The following LOXHD1 variants were observed in gnomAD, a reference collection of about 807,000 sequenced individuals.
The protein encoded by LOXHD1 is lipoxygenase homology domain-containing protein 1.
A neutral mutation model predicts 248.2 loss-of-function variants in LOXHD1; 205 were observed. That is an observed-to-expected ratio of 0.83 (90% CI 0.74 to 0.93). The LOEUF is 0.93. Among genes scored for constraint, LOXHD1 ranks in the 40% least tolerant of loss-of-function variants. The probability of loss-of-function intolerance (pLI) is 0.00; values close to 1 mark genes in which losing one functional copy is unlikely to be tolerated. For missense variants in LOXHD1, 2,930 were observed against 2,971.6 expected (o/e 0.99, Z 0.33); for synonymous variants, 1,113 against 1,162.8 (o/e 0.96, Z 0.87).
At chr18:46,584,938 A>G (rs1232894744) in intron 12 of LOXHD1, among the ~76,000 whole-genome samples, 1 of 152,156 alleles carries the variant, frequency 6.6e-6, no homozygotes, top group African/African-American at 2.4e-5. Flanking sequence ...TAATTTATCA[A>G]ATTAATAGAA....
At position 46,575,665 on chromosome 18, in the gene LOXHD1, G is replaced by A. The variant is rs781623292; in HGVS notation, c.1970+2042C>T. Among the ~76,000 whole-genome samples, 19 of 152,232 alleles carry A rather than the reference G, an allele frequency of 1.2e-4. No individual in the cohort carries two copies. The East Asian group carries it at 3.3e-3, about 26-fold the overall frequency. On this transcript the variant is annotated intron_variant, in intron 14 of 40. Coordinates refer to ENST00000642948, the MANE Select transcript of LOXHD1 (RefSeq NM_001384474.1). ...GGCCCGGGTCAGATCCTTCCCTAGC[G>A]CCTTCTGAGGGGTGCAGCCTGGCTG... is the stretch of plus-strand genomic sequence containing the variant.
intron 37 of LOXHD1, among the ~76,000 whole-genome samples, chr18:46,490,330 A>G (rs1301528964): frequency 3.9e-5 from 6 of 152,184 alleles, no homozygotes; most frequent in Admixed American, 3.9e-4. Flanking sequence ...GGGAATACAC[A>G]TTGGCGGTCC....
At chr18:46,518,315 C>G (rs1598899288) in intron 33 of LOXHD1, 59 bp from the exon 34 acceptor site, 5 of 1,527,944 alleles carry the variant, frequency 3.3e-6, no homozygotes, top group Non-Finnish European at 8.9e-7. Flanking sequence ...CCCACCTGAC[C>G]TGCCTCAGTC....
chr18:46,507,988 C>T (rs1463429054), intron 35 of LOXHD1, among the ~76,000 whole-genome samples: 1 of 152,174 alleles, frequency 6.6e-6, no homozygotes, highest in Non-Finnish European at 1.5e-5. Context: ...CTCAGAGGTG[C>T]CTGTCACTGT....
chr18:46,534,191 C>T, intron 27 of LOXHD1, 144 bp downstream of exon 27: 1 of 601,654 alleles, frequency 1.7e-6, no homozygotes. Context: ...TTTCTGCACT[C>T]TGAGTGAACT....
At chr18:46,628,547 G>A (rs2038776977) in intron 4 of LOXHD1, among the ~76,000 whole-genome samples, 1 of 152,214 alleles carries the variant, frequency 6.6e-6, no homozygotes, top group African/African-American at 2.4e-5. Flanking sequence ...TTTAACAGCA[G>A]TCAAGGTGAT....
chr18:46,647,769 A>G (rs773103057), intron 2 of LOXHD1, among the ~76,000 whole-genome samples: 3 of 152,302 alleles, frequency 2.0e-5, no homozygotes, highest in Admixed American at 1.3e-4. Context: ...CCCCCAAGGT[A>G]CAGGGTGCAG....
At chr18:46,637,313 C>A (rs779564786) in intron 4 of LOXHD1, among the ~76,000 whole-genome samples, 6 of 152,172 alleles carry the variant, frequency 3.9e-5, no homozygotes, top group Non-Finnish European at 5.9e-5. Context: ...AAGACTAGGT[C>A]AGGGGGTGTC....
At chr18:46,641,326 G>A (rs1383800180) in intron 3 of LOXHD1, among the ~76,000 whole-genome samples, 1 of 152,208 alleles carries the variant, frequency 6.6e-6, no homozygotes, top group Admixed American at 6.5e-5. Context: ...ACTTGAATAG[G>A]GGTGGATGGC....
chr18:46,639,304 C>T (rs2038932609), intron 4 of LOXHD1, among the ~76,000 whole-genome samples: 1 of 152,184 alleles, frequency 6.6e-6, no homozygotes. Context: ...AAGGGGACTT[C>T]CGATAGATAC....
Position 46,489,068 on chromosome 18 carries a change from A to G in LOXHD1, c.5953T>C (p.Cys1985Arg). The change falls in exon 38 of 41, where the codon TGT becomes CGT. Residue 1985 changes from cysteine to arginine, a missense_variant. Physicochemically the swap from Cys to Arg is radical, Grantham distance 180. Coordinates refer to ENST00000642948, the MANE Select transcript of LOXHD1 (RefSeq NM_001384474.1). ...NSRDETFHFQ[C>R]DCWLSKSEGD... ...TCACTCTTGGAGAGCCAGCAGTCAC[A>G]CTGGAAGTGGAAGGTCTCGTCGCGG... is the stretch of plus-strand genomic sequence containing the variant. The G allele has an allele frequency of 6.4e-7, 1 of 1,551,648 alleles. No individual in the cohort carries two copies. The highest frequency in any genetic ancestry group is 1.2e-5 in the South Asian group (1 of 84,048).
intron 26 of LOXHD1, among the ~76,000 whole-genome samples, chr18:46,536,828 G>A (rs973167863): frequency 5.3e-5 from 8 of 152,198 alleles, no homozygotes; most frequent in African/African-American, 1.9e-4. Context: ...CAGGAAGAAG[G>A]AAGGTGCCCT....
chr18:46,589,040 A>T (rs576629370), intron 12 of LOXHD1, among the ~76,000 whole-genome samples: 1 of 152,194 alleles, frequency 6.6e-6, no homozygotes, highest in Non-Finnish European at 1.5e-5. Flanking sequence ...GGCATGGACC[A>T]ACAAAGTGGG....
intron 34 of LOXHD1, among the ~76,000 whole-genome samples, chr18:46,517,204 T>C (rs979389626): frequency 7.2e-5 from 11 of 152,120 alleles, no homozygotes; most frequent in African/African-American, 2.4e-4. Flanking sequence ...GGACAGTGGC[T>C]GAACATGACA....
At chr18:46,500,245 C>T (rs1290452660) in intron 37 of LOXHD1, among the ~76,000 whole-genome samples, 1 of 152,206 alleles carries the variant, frequency 6.6e-6, no homozygotes, top group African/African-American at 2.4e-5. Flanking sequence ...ACTACTCTCT[C>T]TGCACTAACA....
chr18:46,545,881 G>A (rs1014085932), intron 22 of LOXHD1, among the ~76,000 whole-genome samples: 2 of 151,436 alleles, frequency 1.3e-5, no homozygotes, highest in East Asian at 1.9e-4. Flanking sequence ...CGCCCGCCTC[G>A]GCCTCCCAAA....
chr18:46,533,758 T>C (rs1461095588), intron 27 of LOXHD1: 1 of 304,384 alleles, frequency 3.3e-6, no homozygotes, highest in South Asian at 2.7e-5. Flanking sequence ...ACCCCATCTC[T>C]ACTAACAAAA....
At chr18:46,544,364 T>C (rs548738958) in intron 23 of LOXHD1, among the ~76,000 whole-genome samples, 1 of 152,346 alleles carries the variant, frequency 6.6e-6, no homozygotes, top group East Asian at 1.9e-4. Context: ...CAAGAATTTG[T>C]CTAACACATA....
At chr18:46,626,201 G>A (rs2144346498) in intron 4 of LOXHD1, among the ~76,000 whole-genome samples, 2 of 152,310 alleles carry the variant, frequency 1.3e-5, no homozygotes, top group Non-Finnish European at 2.9e-5. Flanking sequence ...CAAAATAGGA[G>A]ATTTGGGGGG....
Sources: gnomAD v4.1 joint callset for allele counts (sites outside exome capture counted in the v4.1 genomes callset) on GRCh38, gnomAD v4.1.1 for gene constraint, MANE v1.5 for transcripts, NCBI Gene and HGNC (gene_info 2026-07-23, HGNC 2026-07-21) for gene names.